The following LMF1 variants were observed in gnomAD, a reference collection of about 807,000 sequenced individuals.
LMF1 encodes the protein transmembrane protein 112.
A neutral mutation model predicts 60.6 loss-of-function variants in LMF1; 68 were observed. That is an observed-to-expected ratio of 1.12 (90% CI 0.92 to 1.37). The LOEUF (loss-of-function observed/expected upper bound fraction) is 1.37. LMF1 is among the 40% of genes most tolerant of loss of function. The pLI is 0.00. For missense variants in LMF1, 948 were observed against 767.2 expected (o/e 1.24, Z -2.78); for synonymous variants, 418 against 324.7 (o/e 1.29, Z -3.09).
At position 934,249 on chromosome 16, in the gene LMF1, G is replaced by A. The variant is rs1233828390; in HGVS notation, c.509C>T (p.Ser170Phe). 7 of 1,599,256 alleles carry A rather than the reference G, an allele frequency of 4.4e-6. No homozygotes were observed. The highest frequency in any genetic ancestry group is 4.0e-5 in the African/African-American group (3 of 74,930). ...SLVNVGHVWY[S>F]FGWESQLLET... is the part of the protein sequence containing the mutation. ...TCTAAATGCATCTCACTTACCGAAA[G>A]AGTACCTGAAAAACAAAAGAAGAAA... The change falls in exon 3 of 11, where the codon TCT becomes TTT. Residue 170 changes from serine to phenylalanine, a missense_variant. Coordinates refer to ENST00000262301, the MANE Select transcript of LMF1 (RefSeq NM_022773.4).
At chr16:857,554 A>ACGGGACGGGTGTGAGTGGTGTCT (rs2069235452) in intron 10 of LMF1, among the ~76,000 whole-genome samples, 1 of 32,174 alleles carries the variant, frequency 3.1e-5, no homozygotes. Flanking sequence ...GAGTGGTGTC[A>ACGGGACGGGTGTGAGTGGTGTCT]CGGGACGGGT....
upstream of LMF1, among the ~76,000 whole-genome samples, chr16:974,913 G>T (rs2858991): frequency 3.0e-4 from 46 of 152,152 alleles, no homozygotes; most frequent in African/African-American, 9.2e-4. Context: ...CTGAAGTCTG[G>T]GTATGGAAGG....
At chr16:925,634 C>G (rs2071571254) in intron 3 of LMF1, among the ~76,000 whole-genome samples, 1 of 152,060 alleles carries the variant, frequency 6.6e-6, no homozygotes, top group African/African-American at 2.4e-5. Context: ...ACTTGGGAGG[C>G]TGAGGTGGGA....
At chr16:873,072 C>CG (rs2069849340) in intron 6 of LMF1, 1 of 152,242 alleles carries the variant, frequency 6.6e-6, no homozygotes, top group Non-Finnish European at 1.5e-5. Flanking sequence ...AAGAAAGCTT[C>CG]GGGGCTCGGG....
chr16:959,787 G>A (rs899545140), intron 1 of LMF1, among the ~76,000 whole-genome samples: 1 of 151,116 alleles, frequency 6.6e-6, no homozygotes, highest in Non-Finnish European at 1.5e-5. Context: ...GGGGAGCCAG[G>A]TTCCCACTAG....
At chr16:911,255 A>G in intron 3 of LMF1, 176 bp from the exon 4 acceptor site, 1 of 786,898 alleles carries the variant, frequency 1.3e-6, no homozygotes, top group Non-Finnish European at 2.2e-6. Context: ...TCAGGTCTGC[A>G]GGAGTGGGAG....
At chr16:964,156 C>T in intron 1 of LMF1, 1 of 455,558 alleles carries the variant, frequency 2.2e-6, no homozygotes, top group Non-Finnish European at 4.4e-6. Context: ...AATAGCTGGG[C>T]GTGGCAGCCT....
chr16:853,721 G>A lies in LMF1; in HGVS notation c.*811C>T, dbSNP rs1297652130. The A allele has an allele frequency of 4.4e-6, 2 of 454,024 alleles. No homozygotes were observed. The highest frequency in any genetic ancestry group is 2.0e-5 in the African/African-American group (1 of 50,016). 28.1% of individuals were successfully genotyped at this position (454,024 alleles called of 1,614,324 possible). ...TCAAGAATAGGAATAAGAAAAATGT[G>A]CAGTAGACGCTGTTTGTCCGACGAT... On this transcript the variant is annotated 3_prime_UTR_variant, in exon 11 of 11. Transcript: ENST00000262301.
intron 3 of LMF1, among the ~76,000 whole-genome samples, chr16:916,987 C>A (rs985882581): frequency 6.6e-6 from 1 of 152,210 alleles, no homozygotes; most frequent in Non-Finnish European, 1.5e-5. Context: ...TATTTCTCTG[C>A]GCAGCGAGCT....
intron 10 of LMF1, among the ~76,000 whole-genome samples, chr16:862,982 G>C (rs571008937): frequency 7.2e-5 from 11 of 152,246 alleles, no homozygotes; most frequent in Non-Finnish European, 1.0e-4. Context: ...TCTTTTTGGA[G>C]TTTAAAATGA....
intron 6 of LMF1, among the ~76,000 whole-genome samples, chr16:877,722 ACAGCACTCGAGCCCGCC>A (rs2070033560): frequency 6.6e-6 from 1 of 152,152 alleles, no homozygotes; most frequent in Non-Finnish European, 1.5e-5. Flanking sequence ...CAGACCCAGG[ACAGCACTCGAGCCCGCC>A]CAGCAGGGGA....
intron 2 of LMF1, chr16:954,090 A>G (rs1053753723): frequency 5.3e-6 from 3 of 566,168 alleles, no homozygotes; most frequent in African/African-American, 1.8e-5. Flanking sequence ...CCCTTTCCCC[A>G]TCCCTCTGGC....
At chr16:895,465 C>A (rs905348136) in intron 4 of LMF1, among the ~76,000 whole-genome samples, 2 of 152,166 alleles carry the variant, frequency 1.3e-5, no homozygotes, top group African/African-American at 4.8e-5. Context: ...CGGCCGTGGG[C>A]CCCTAGCCGG....
At chr16:861,570 G>T (rs1287945710) in intron 10 of LMF1, among the ~76,000 whole-genome samples, 1 of 151,914 alleles carries the variant, frequency 6.6e-6, no homozygotes, top group South Asian at 2.1e-4. Context: ...ATGTTAGGCT[G>T]GTCTTGAACT....
rs13334877 is a variant in LMF1, at chr16:882,087, A to G, written c.730-2350T>C. On this transcript the variant is annotated intron_variant, in intron 5 of 10. Transcript: ENST00000262301. ...GGGCTCTCAGAACCTCACCTGGGAA[A>G]GGGCCACAGCAGGGACACAGTGCGA... Among the ~76,000 whole-genome samples the G allele has an allele frequency of 0.19, 28,482 of 152,178 alleles. 3,095 individuals carry two copies. The highest frequency in any genetic ancestry group is 0.31 in the East Asian group (1,596 of 5,172).
chr16:888,993 G>A (rs1307174971), intron 5 of LMF1, among the ~76,000 whole-genome samples: 1 of 152,206 alleles, frequency 6.6e-6, no homozygotes, highest in Admixed American at 6.5e-5. Flanking sequence ...CATGGCTCTG[G>A]TCCCTCTGCC....
At chr16:889,388 C>T (rs1377022375) in intron 5 of LMF1, among the ~76,000 whole-genome samples, 1 of 148,916 alleles carries the variant, frequency 6.7e-6, no homozygotes, top group African/African-American at 2.6e-5. Flanking sequence ...CTGCGGATGG[C>T]CGTGGGTGTG....
upstream of LMF1, among the ~76,000 whole-genome samples, chr16:975,506 G>A (rs528932717): frequency 8.5e-5 from 13 of 152,324 alleles, no homozygotes; most frequent in East Asian, 5.8e-4. Context: ...AGAGCCCACC[G>A]TTGTGTGTCG....
intron 1 of LMF1, among the ~76,000 whole-genome samples, chr16:956,309 T>C (rs1270507144): frequency 6.6e-6 from 1 of 150,786 alleles, no homozygotes; most frequent in African/African-American, 2.5e-5. Flanking sequence ...TCTCACATCC[T>C]CTGGACGTCA....
Sources: gnomAD v4.1 joint callset for allele counts (sites outside exome capture counted in the v4.1 genomes callset) on GRCh38, gnomAD v4.1.1 for gene constraint, MANE v1.5 for transcripts, NCBI Gene and HGNC (gene_info 2026-07-23, HGNC 2026-07-21) for gene names.